LRIT1: variants seen among roughly 807,000 people sequenced by gnomAD.
LRIT1 encodes leucine-rich repeat, immunoglobulin-like domain and transmembrane domain-containing protein 1.
In LRIT1, 23 loss-of-function variants were observed where a neutral mutation model predicts 24.0. That is an observed-to-expected ratio of 0.96 (90% confidence interval 0.69 to 1.36). The LOEUF (loss-of-function observed/expected upper bound fraction) is 1.36. Ranked by LOEUF, LRIT1 falls within the 40% of genes most tolerant of loss-of-function variation. LRIT1 has a pLI of 0.00. For missense variants in LRIT1, 846 were observed against 806.3 expected, an observed-to-expected ratio of 1.05 and a Z score of -0.60; for synonymous variants, 361 against 340.5, an observed-to-expected ratio of 1.06 and a Z score of -0.66.
chr10:84,237,817 G>T, intron 1 of LRIT1, 131 bp from the exon 2 acceptor site: 1 of 698,504 alleles, frequency 1.4e-6, no homozygotes, highest in Non-Finnish European at 2.3e-6. Flanking sequence ...TCCAAGCCAT[G>T]ACGGGGACCT....
At chr10:84,234,449 C>T in intron 2 of LRIT1, 71 bp from the exon 3 acceptor site, 2 of 1,249,702 alleles carry the variant, frequency 1.6e-6, no homozygotes, top group Admixed American at 2.6e-5. Flanking sequence ...CACCCCTTCC[C>T]CTCTGGAAGG....
rs773762254 is a variant in LRIT1, at chr10:84,237,607, G to GA, written c.201_202insT (p.Arg68SerfsTer82). On this transcript the variant is annotated frameshift_variant, in exon 2 of 4. Coordinates refer to ENST00000372105, the MANE Select transcript of LRIT1 (RefSeq NM_015613.3). LOFTEE classifies it high-confidence loss of function. ...CCAGGAACCCTGCGTATGGCCGTCC[G>GA]CTCCAGGCGCAGTCTGGAGGTGTCC... The GA allele has an allele frequency of 6.2e-7, 1 of 1,606,674 alleles. No individual in the cohort carries two copies. Among genetic ancestry groups the GA allele is most frequent in the Non-Finnish European group, 8.5e-7 (1 of 1,179,670 alleles).
chr10:84,239,036 T>A (rs1336897426), intron 1 of LRIT1, among the ~76,000 whole-genome samples: 1 of 152,174 alleles, frequency 6.6e-6, no homozygotes, highest in African/African-American at 2.4e-5. Context: ...CACACACATA[T>A]CACCAGCATC....
rs776008586 is a variant in LRIT1 at position 84,232,277 on chromosome 10, C to T, written c.1522G>A (p.Glu508Lys). 56 of 1,613,984 alleles carry T rather than the reference C, an allele frequency of 3.5e-5. No individual in the cohort carries two copies. The highest frequency in any genetic ancestry group is 4.6e-5 in the Non-Finnish European group (54 of 1,180,016). The change falls in exon 4 of 4, where the codon GAG becomes AAG. Residue 508 changes from glutamate (E) to lysine (K), a missense_variant. Coordinates refer to ENST00000372105, the MANE Select transcript of LRIT1 (RefSeq NM_015613.3). ...VCVQGLVPRK[E>K]QCVIFSTNEV... ...TTGGTGGAGAAAATAACACACTGCTCCTTCCGGGGCACCAGGCCCTGCACA... is the reference window on the plus strand; with the variant it reads ...TTGGTGGAGAAAATAACACACTGCTTCTTCCGGGGCACCAGGCCCTGCACA...
intron 1 of LRIT1, among the ~76,000 whole-genome samples, chr10:84,240,974 TAAAAG>T (rs1453738487): frequency 6.6e-6 from 1 of 151,302 alleles, no homozygotes; most frequent in Admixed American, 6.6e-5. Flanking sequence ...ATAGAAAAAA[TAAAAG>T]AGAAGAAAAA....
Position 84,232,062 on chromosome 10 carries a change from G to A in LRIT1, c.1737C>T (p.Tyr579=), listed in dbSNP as rs778579684. The A allele has an allele frequency of 6.3e-5, 101 of 1,614,060 alleles. No homozygotes were observed. Among genetic ancestry groups the A allele is most frequent in the Middle Eastern group, 1.6e-4 (1 of 6,084 alleles). ...ACAGCTCCTCCAAGCCGTCCTCGCTGTAGCCCAGTCTCTCTAGGTTGACGT... is the reference window on the plus strand; with the variant it reads ...ACAGCTCCTCCAAGCCGTCCTCGCTATAGCCCAGTCTCTCTAGGTTGACGT... ...VTYVNLERLG[Y]SEDGLEELSR... is the part of the protein sequence containing the mutation. The change falls in exon 4 of 4, where the codon TAC becomes TAT. Residue 579 remains tyrosine (Y), a synonymous_variant. Coordinates refer to ENST00000372105, the MANE Select transcript of LRIT1 (RefSeq NM_015613.3).
At chr10:84,236,604 C>T (rs971556787) in intron 2 of LRIT1, among the ~76,000 whole-genome samples, 4 of 151,884 alleles carry the variant, frequency 2.6e-5, no homozygotes, top group African/African-American at 7.3e-5. Flanking sequence ...TTTCTGAATC[C>T]ATGTATGTAT....
Position 84,231,783 on chromosome 10 carries a change from A to C in LRIT1, c.*144T>G. The C allele has an allele frequency of 2.4e-6, 2 of 842,656 alleles. No homozygotes were observed. Among genetic ancestry groups the C allele is most frequent in the South Asian group, 1.8e-5 (1 of 55,300 alleles). The allele number at this position is 842,656 out of a possible 1,614,324, so 52.2% of individuals were successfully genotyped here. Reference sequence around the variant, plus strand: ...AACAAGTGTTAGCGGTTGTTGCAGTAGCAGCTGCTGCTGCTGTTGTTGTGT... The same window carrying C: ...AACAAGTGTTAGCGGTTGTTGCAGTCGCAGCTGCTGCTGCTGTTGTTGTGT... On this transcript the variant is annotated 3_prime_UTR_variant, in exon 4 of 4. Transcript: ENST00000372105.
chr10:84,241,499 G>GGCCCAGCAA lies in LRIT1; in HGVS notation c.-69_-61dup, dbSNP rs3841414. 0.55 allele frequency: 776,577 copies of GGCCCAGCAA among 1,420,288 alleles called. 217,817 individuals are homozygous for GGCCCAGCAA. The highest frequency in any genetic ancestry group is 0.83 in the African/African-American group (55,577 of 67,352). 88.0% of individuals were successfully genotyped at this position (1,420,288 alleles called of 1,614,324 possible). A position where few individuals can be genotyped will look rare whatever the true frequency, so the allele number is the denominator to read the frequency against. Reference sequence around the variant, plus strand: ...TGTCCCTGGACCGCTCCGTCCCACCGGCCCAGCAAGCTCAGCAGCTGCCCA... The same window carrying GGCCCAGCAA: ...TGTCCCTGGACCGCTCCGTCCCACCGGCCCAGCAAGCCCAGCAAGCTCAGCAGCTGCCCA... On this transcript the variant is annotated 5_prime_UTR_variant, in exon 1 of 4. Transcript: ENST00000372105.
Position 84,232,322 on chromosome 10 carries a change from T to G in LRIT1, c.1477A>C (p.Lys493Gln). 2.5e-6 allele frequency: 4 copies of G among 1,613,996 alleles called. No homozygotes were observed. Among genetic ancestry groups the G allele is most frequent in the Non-Finnish European group, 3.4e-6 (4 of 1,179,984 alleles). The change falls in exon 4 of 4, where the codon AAG becomes CAG. Residue 493 changes from lysine to glutamine, a missense_variant. Lys to Gln is a moderately conservative substitution (Grantham distance 53). Coordinates refer to ENST00000372105, the MANE Select transcript of LRIT1 (RefSeq NM_015613.3). Reference sequence around the variant, plus strand: ...TGCACACAGACACACGCCACATACTTGGTCTTGGGCAACAGCCCAGTGATG... The same window carrying G: ...TGCACACAGACACACGCCACATACTGGGTCTTGGGCAACAGCCCAGTGATG... Reference protein sequence around the residue: ...VTITGLLPKTKYVACVCVQGL... With the variant: ...VTITGLLPKTQYVACVCVQGL...
chr10:84,241,131 G>T (rs1432939384), intron 1 of LRIT1, among the ~76,000 whole-genome samples, 187 bp downstream of exon 1: 2 of 151,980 alleles, frequency 1.3e-5, no homozygotes, highest in East Asian at 3.9e-4. Context: ...GGTACCTCTC[G>T]AATAGAGTCA....
In LRIT1 at chr10:84,241,289, C is replaced by T. The variant is rs1360345840; in HGVS notation, c.122+29G>A. The T allele has an allele frequency of 1.9e-6, 3 of 1,613,552 alleles. No individual in the cohort carries two copies. The African/African-American group carries it at 4.0e-5, about 22-fold the overall frequency. ...AGCTGGCAAAGCAATGGAGGCTGGG[C>T]TGCCCGTCCCACGCACCCGGTACCA... is the stretch of plus-strand genomic sequence containing the variant. On this transcript the variant is annotated intron_variant, in intron 1 of 3. Coordinates refer to ENST00000372105, the MANE Select transcript of LRIT1 (RefSeq NM_015613.3).
chr10:84,231,964 A>C lies in LRIT1; in HGVS notation c.1835T>G (p.Val612Gly), dbSNP rs1190037340. Residue 612 changes from valine to glycine, a missense_variant, in exon 4 of 4, where the codon GTC (valine) becomes GGC (glycine). Val to Gly is a moderately radical substitution (Grantham distance 109). Transcript: ENST00000372105. Reference protein sequence around the residue: ...RSSVDFQAFGVKGGRRINEYF... With the variant: ...RSSVDFQAFGGKGGRRINEYF... ...CTCATTGATTCTCCTGCCCCCTTTG[A>C]CTCCAAAGGCCTGAAAGTCCACACT... The C allele has an allele frequency of 1.2e-6, 2 of 1,611,290 alleles. No homozygotes were observed. The highest frequency in any genetic ancestry group is 1.7e-6 in the Non-Finnish European group (2 of 1,178,278).
chr10:84,239,839 T>G (rs1399717038), intron 1 of LRIT1, among the ~76,000 whole-genome samples: 1 of 152,210 alleles, frequency 6.6e-6, no homozygotes, highest in Non-Finnish European at 1.5e-5. Context: ...TTGGTCTAAC[T>G]GCACAGTCTG....
rs374215304 is a variant in LRIT1, at chr10:84,232,290, C to G, written c.1509G>C (p.Leu503=). The G allele has an allele frequency of 3.1e-6, 5 of 1,613,984 alleles. No individual in the cohort carries two copies. Among genetic ancestry groups the G allele is most frequent in the Non-Finnish European group, 4.2e-6 (5 of 1,180,028 alleles). The change falls in exon 4 of 4, where the codon CTG becomes CTC. Residue 503 remains leucine, a synonymous_variant. Coordinates refer to ENST00000372105, the MANE Select transcript of LRIT1 (RefSeq NM_015613.3). ...TAACACACTGCTCCTTCCGGGGCAC[C>G]AGGCCCTGCACACAGACACACGCCA... ...KYVACVCVQG[L]VPRKEQCVIF... is the part of the protein sequence containing the mutation.
chr10:84,234,310 C>T lies in LRIT1; in HGVS notation c.658G>A (p.Ala220Thr), dbSNP rs746679839. 2 of 1,606,616 alleles carry T rather than the reference C, an allele frequency of 1.2e-6. No individual in the cohort carries two copies. Among genetic ancestry groups the T allele is most frequent in the Non-Finnish European group, 8.5e-7 (1 of 1,175,860 alleles). The change falls in exon 3 of 4, where the codon GCC becomes ACC. Residue 220 changes from alanine to threonine, a missense_variant. Coordinates refer to ENST00000372105, the MANE Select transcript of LRIT1 (RefSeq NM_015613.3). ...GTCTCAATGAAGGCCAAGTTTGGGG[C>T]CCAGCCATCCAAAAGATGAACCAGG... ...YDLVHLLDGW[A>T]PNLAFIETEL...
In LRIT1 at chr10:84,232,105, G is replaced by A; in HGVS notation, c.1694C>T (p.Thr565Ile). Residue 565 changes from threonine (T) to isoleucine (I), a missense_variant, in exon 4 of 4, where the codon ACT becomes ATT. Transcript: ENST00000372105. ...GTTGACGTAGGTAACTGTGGCCTCAGTGGAGTCCTTGTTGAAGCACTTTCG... is the reference window on the plus strand; with the variant it reads ...GTTGACGTAGGTAACTGTGGCCTCAATGGAGTCCTTGTTGAAGCACTTTCG... ...RCRKCFNKDSTEATVTYVNLE... is the reference protein window; with the variant it reads ...RCRKCFNKDSIEATVTYVNLE... The A allele has an allele frequency of 6.2e-7, 1 of 1,614,192 alleles. No homozygotes were observed. The highest frequency in any genetic ancestry group is 1.6e-4 in the Middle Eastern group (1 of 6,062).
chr10:84,234,107 C>A lies in LRIT1; in HGVS notation c.861G>T (p.Trp287Cys), dbSNP rs768801405. The A allele has an allele frequency of 1.3e-6, 2 of 1,581,226 alleles. No individual in the cohort carries two copies. The highest frequency in any genetic ancestry group is 1.7e-6 in the Non-Finnish European group (2 of 1,163,542). The change falls in exon 3 of 4, where the codon TGG becomes TGT. Residue 287 changes from tryptophan to cysteine, a missense_variant. Transcript: ENST00000372105. ...TAAGGGGCCTGCCATTGGCCCTCCT[C>A]CAGCTCATCTCGGGCCCAGGGACTC... ...ATGVPGPEMS[W>C]RRANGRPLNG... is the part of the protein sequence containing the mutation.
At chr10:84,236,465 A>G (rs2132865540) in intron 2 of LRIT1, among the ~76,000 whole-genome samples, 1 of 152,362 alleles carries the variant, frequency 6.6e-6, no homozygotes, top group African/African-American at 2.4e-5. Flanking sequence ...AATATTGTGC[A>G]GTAGTTTTAA....
Sources: gnomAD v4.1 joint callset for allele counts (sites outside exome capture counted in the v4.1 genomes callset) on GRCh38, gnomAD v4.1.1 for gene constraint, MANE v1.5 for transcripts, NCBI Gene and HGNC (gene_info 2026-07-23, HGNC 2026-07-21) for gene names.